AMPH: variants seen among roughly 807,000 people sequenced by gnomAD.
The protein encoded by AMPH is amphiphysin (Stiff-Mann syndrome with breast cancer 128kD autoantigen).
Under a neutral mutation model 99.1 loss-of-function variants are expected in AMPH, and 49 were observed. The ratio of observed to expected loss-of-function variants is 0.49; its 90% CI spans 0.39 to 0.63. AMPH has a LOEUF of 0.63. AMPH is among the 20% of genes least tolerant of loss of function. The pLI is 0.00. For missense variants in AMPH, 759 were observed against 863.4 expected, an observed-to-expected ratio of 0.88 and a Z score of 1.52; for synonymous variants, 314 against 317.3, an observed-to-expected ratio of 0.99 and a Z score of 0.11.
At chr7:38,431,410 C>A (rs1283877991) in intron 13 of AMPH, among the ~76,000 whole-genome samples, 1 of 152,178 alleles carries the variant, frequency 6.6e-6, no homozygotes, top group South Asian at 2.1e-4. Context: ...GTAATCCCAG[C>A]ACTTTGGGAG....
chr7:38,394,434 C>G (rs1784605943), intron 17 of AMPH, among the ~76,000 whole-genome samples: 1 of 152,260 alleles, frequency 6.6e-6, no homozygotes, highest in Non-Finnish European at 1.5e-5. Flanking sequence ...CCTCAGCTTT[C>G]CCTGCTGTCA....
chr7:38,532,185 T>G (rs1347376416), intron 2 of AMPH, among the ~76,000 whole-genome samples: 1 of 152,114 alleles, frequency 6.6e-6, no homozygotes, highest in East Asian at 1.9e-4. Flanking sequence ...CTTCCTTCTA[T>G]CCTCCTTCCC....
chr7:38,499,465 C>A (rs949920193), intron 3 of AMPH, among the ~76,000 whole-genome samples: 14 of 152,050 alleles, frequency 9.2e-5, no homozygotes, highest in Admixed American at 9.2e-4. Context: ...AGTTTTGGGG[C>A]CTTTAGGGGC....
intron 17 of AMPH, among the ~76,000 whole-genome samples, chr7:38,396,937 T>G (rs1451324873): frequency 6.6e-6 from 1 of 152,272 alleles, no homozygotes; most frequent in Non-Finnish European, 1.5e-5. Flanking sequence ...AATAAACTTA[T>G]GAGCTCAAAT....
chr7:38,444,676 C>T (rs1196146324), intron 11 of AMPH, among the ~76,000 whole-genome samples: 1 of 152,058 alleles, frequency 6.6e-6, no homozygotes, highest in East Asian at 1.9e-4. Flanking sequence ...TGATCTCAGA[C>T]ATCTAGCAGC....
chr7:38,409,411 G>A (rs892130388), intron 17 of AMPH, among the ~76,000 whole-genome samples: 3 of 152,148 alleles, frequency 2.0e-5, no homozygotes, highest in African/African-American at 7.2e-5. Context: ...CTATGGCACA[G>A]GCTGGTGACT....
At chr7:38,392,601 G>T (rs1051955781) in intron 18 of AMPH, 1 of 152,712 alleles carries the variant, frequency 6.5e-6, no homozygotes, top group Admixed American at 6.5e-5. Flanking sequence ...GAGCCAAGAT[G>T]GTCTAGATCT....
intron 7 of AMPH, among the ~76,000 whole-genome samples, chr7:38,468,481 T>A (rs1309626659): frequency 1.3e-5 from 2 of 152,218 alleles, no homozygotes; most frequent in Non-Finnish European, 2.9e-5. Context: ...AGTTGTCAAA[T>A]CAATTATTAT....
At chr7:38,543,102 A>AG (rs1790868474) in intron 1 of AMPH, among the ~76,000 whole-genome samples, 2 of 149,572 alleles carry the variant, frequency 1.3e-5, no homozygotes, top group Non-Finnish European at 3.0e-5. Flanking sequence ...CCACAAAAAA[A>AG]AAAAAATAGC....
intron 1 of AMPH, among the ~76,000 whole-genome samples, chr7:38,620,364 C>CTGTGTGTG (rs377389687): frequency 2.6e-5 from 3 of 114,098 alleles, no homozygotes; most frequent in African/African-American, 8.9e-5. Context: ...GTGTGTGTGT[C>CTGTGTGTG]TGTGTGTGTG....
In AMPH at chr7:38,452,769, C is replaced by T. The variant is rs150681797; in HGVS notation, c.1017+8514G>A. 1.5e-3 allele frequency among the ~76,000 whole-genome samples: 230 copies of T among 152,308 alleles called. 1 individual carries two copies. The highest frequency in any genetic ancestry group is 5.4e-3 in the African/African-American group (223 of 41,576). On this transcript the variant is annotated intron_variant, in intron 11 of 20. Coordinates refer to ENST00000356264, the MANE Select transcript of AMPH (RefSeq NM_001635.4). Reference sequence around the variant, plus strand: ...TGGCTCCCACAGTGTGGTGCCAACACCAGCAGCATTAGCAGCATTTTCCTC... The same window carrying T: ...TGGCTCCCACAGTGTGGTGCCAACATCAGCAGCATTAGCAGCATTTTCCTC...
At chr7:38,537,941 A>G (rs1790676052) in intron 1 of AMPH, among the ~76,000 whole-genome samples, 1 of 152,214 alleles carries the variant, frequency 6.6e-6, no homozygotes, top group Non-Finnish European at 1.5e-5. Context: ...AGACCCAAGG[A>G]AAAGAGCACA....
At chr7:38,405,202 G>T (rs1784949589) in intron 17 of AMPH, among the ~76,000 whole-genome samples, 2 of 152,160 alleles carry the variant, frequency 1.3e-5, no homozygotes, top group Non-Finnish European at 2.9e-5. Flanking sequence ...TACAAGAAAT[G>T]CTGAAAGGAG....
At chr7:38,401,305 A>G (rs1280292031) in intron 17 of AMPH, among the ~76,000 whole-genome samples, 1 of 152,232 alleles carries the variant, frequency 6.6e-6, no homozygotes, top group Non-Finnish European at 1.5e-5. Flanking sequence ...CAACATTATA[A>G]GAAATTTTTA....
intron 1 of AMPH, among the ~76,000 whole-genome samples, chr7:38,552,810 C>T (rs573863428): frequency 6.6e-6 from 1 of 152,292 alleles, no homozygotes; most frequent in African/African-American, 2.4e-5. Context: ...TCATCTCCTC[C>T]TCTTCTCTTT....
At chr7:38,385,483 T>C (rs940756154) in intron 20 of AMPH, among the ~76,000 whole-genome samples, 1 of 152,226 alleles carries the variant, frequency 6.6e-6, no homozygotes, top group Admixed American at 6.5e-5. Flanking sequence ...ATAAACTACC[T>C]ATGTAGATGT....
chr7:38,467,053 A>T (rs76534835), intron 7 of AMPH, among the ~76,000 whole-genome samples: 1,994 of 152,334 alleles, frequency 0.013, 44 homozygotes, highest in African/African-American at 0.045. Context: ...ACCTATTCAT[A>T]TGCATACAAA....
At chr7:38,578,484 A>G (rs1448223836) in intron 1 of AMPH, among the ~76,000 whole-genome samples, 4 of 152,216 alleles carry the variant, frequency 2.6e-5, no homozygotes, top group Non-Finnish European at 5.9e-5. Flanking sequence ...ACAATAGGTG[A>G]ACTGCAGAGC....
intron 14 of AMPH, chr7:38,428,384 T>C (rs1785864399): frequency 2.2e-6 from 1 of 456,688 alleles, no homozygotes; most frequent in Non-Finnish European, 4.4e-6. Flanking sequence ...TACATGAACA[T>C]AAATCTCTTC....
Sources: gnomAD v4.1 joint callset for allele counts (sites outside exome capture counted in the v4.1 genomes callset) on GRCh38, gnomAD v4.1.1 for gene constraint, MANE v1.5 for transcripts, NCBI Gene and HGNC (gene_info 2026-07-23, HGNC 2026-07-21) for gene names.